The following CTNNA3 variants were observed in gnomAD, a reference collection of about 807,000 sequenced individuals.
CTNNA3 encodes catenin alpha-3.
In CTNNA3, 76 loss-of-function variants were observed where a neutral mutation model predicts 95.7. That is an observed-to-expected ratio of 0.79 (90% CI 0.66 to 0.96). CTNNA3 has a LOEUF of 0.96. Among genes scored for constraint, CTNNA3 ranks in the 40% least tolerant of loss-of-function variants. The pLI is 0.00. For synonymous variants in CTNNA3, 431 were observed against 374.4 expected (o/e 1.15, Z -1.74); for missense variants, 1,191 against 1,089.8 (o/e 1.09, Z -1.31).
At chr10:67,344,273 A>C (rs914386562) in intron 5 of CTNNA3, among the ~76,000 whole-genome samples, 12 of 152,018 alleles carry the variant, frequency 7.9e-5, no homozygotes, top group Non-Finnish European at 5.9e-5. Context: ...ATCAATATTC[A>C]TCAGAGATAT....
intron 7 of CTNNA3, among the ~76,000 whole-genome samples, chr10:66,989,513 A>G (rs1850924717): frequency 1.3e-5 from 2 of 152,176 alleles, no homozygotes; most frequent in South Asian, 2.1e-4. Flanking sequence ...TGATTGTTAT[A>G]TATGTTTGGT....
At chr10:67,109,976 A>T (rs1858832910) in intron 7 of CTNNA3, among the ~76,000 whole-genome samples, 1 of 152,254 alleles carries the variant, frequency 6.6e-6, no homozygotes, top group South Asian at 2.1e-4. Flanking sequence ...AATATTCTAA[A>T]ATACTCTTGA....
intron 7 of CTNNA3, among the ~76,000 whole-genome samples, chr10:66,889,476 T>G (rs1325439527): frequency 6.6e-6 from 1 of 152,130 alleles, no homozygotes; most frequent in African/African-American, 2.4e-5. Context: ...GAGTGCAGTG[T>G]GTATGTGGTA....
At chr10:67,204,229 C>G (rs1863784087) in intron 6 of CTNNA3, among the ~76,000 whole-genome samples, 1 of 152,062 alleles carries the variant, frequency 6.6e-6, no homozygotes, top group Non-Finnish European at 1.5e-5. Context: ...AATGTAACCA[C>G]TAATGTTGGA....
intron 7 of CTNNA3, among the ~76,000 whole-genome samples, chr10:66,937,890 G>T (rs1564780281): frequency 6.6e-6 from 1 of 151,442 alleles, no homozygotes; most frequent in Non-Finnish European, 1.5e-5. Flanking sequence ...CCTCTTTTCT[G>T]TTTTTTTTCC....
Position 67,270,190 on chromosome 10 carries a change from C to T in CTNNA3, c.580-50320G>A, listed in dbSNP as rs960610565. Among the ~76,000 whole-genome samples, 11 of 150,896 alleles carry T rather than the reference C, an allele frequency of 7.3e-5. No individual in the cohort carries two copies. In the South Asian group the frequency reaches 8.4e-4, roughly 12 times the overall value. The stretch of plus-strand genomic sequence containing the variant: ...GATTTGTCCCTTTTTCGAGTATACA[C>T]GTCTACAAAAATTAAACATTATCTT... On this transcript the variant is annotated intron_variant, in intron 5 of 17. Coordinates refer to ENST00000433211, the MANE Select transcript of CTNNA3 (RefSeq NM_013266.4).
chr10:66,381,626 A>G (rs531668695), intron 11 of CTNNA3, among the ~76,000 whole-genome samples: 76 of 152,302 alleles, frequency 5.0e-4, no homozygotes, highest in African/African-American at 1.8e-3. Flanking sequence ...CTATGAACCT[A>G]AGTGAACACA....
chr10:66,171,327 C>G (rs892365830), intron 13 of CTNNA3, among the ~76,000 whole-genome samples: 60 of 151,624 alleles, frequency 4.0e-4, no homozygotes, highest in African/African-American at 1.3e-3. Flanking sequence ...GTAATCCCAG[C>G]ACTTTGGGAG....
Position 66,458,115 on chromosome 10 carries a change from A to G in CTNNA3, c.1531+62502T>C, listed in dbSNP as rs531871612. On this transcript the variant is annotated intron_variant, in intron 11 of 17. Transcript: ENST00000433211. ...GCCCAGAAACCCCTCTCCTGGGATT[A>G]GAGAGACCTTAGGGAGTGAAAAATG... Among the ~76,000 whole-genome samples, 3 of 152,314 alleles carry G rather than the reference A, an allele frequency of 2.0e-5. No individual in the cohort carries two copies. In the East Asian group the frequency reaches 5.8e-4, roughly 29 times the overall value.
At chr10:67,019,878 A>T (rs10822960) in intron 7 of CTNNA3, among the ~76,000 whole-genome samples, 51,077 of 151,984 alleles carry the variant, frequency 0.34, 9,285 homozygotes, top group East Asian at 0.53. Context: ...AATTTTCTCC[A>T]TTGCTGTAAT....
At chr10:66,600,401 A>G (rs1843878112) in intron 10 of CTNNA3, among the ~76,000 whole-genome samples, 1 of 151,848 alleles carries the variant, frequency 6.6e-6, no homozygotes, top group African/African-American at 2.4e-5. Context: ...TTGCTCTAAT[A>G]CCTTGAAATA....
intron 5 of CTNNA3, among the ~76,000 whole-genome samples, chr10:67,378,304 CAG>C (rs1843772687): frequency 6.6e-6 from 1 of 152,042 alleles, no homozygotes; most frequent in Non-Finnish European, 1.5e-5. Context: ...CATAATGATA[CAG>C]AGAGTTTCTG....
At chr10:66,481,044 GTAAA>G in intron 11 of CTNNA3, among the ~76,000 whole-genome samples, 1 of 152,250 alleles carries the variant, frequency 6.6e-6, no homozygotes, top group East Asian at 1.9e-4. Context: ...TACACAGTGA[GTAAA>G]TAAAGGAGAA....
chr10:67,588,430 C>A (rs1433161895), intron 3 of CTNNA3, among the ~76,000 whole-genome samples: 1 of 151,704 alleles, frequency 6.6e-6, no homozygotes, highest in Non-Finnish European at 1.5e-5. Flanking sequence ...TGTGTGTGTG[C>A]AGTAGTGAAG....
intron 11 of CTNNA3, among the ~76,000 whole-genome samples, chr10:66,497,524 C>A (rs1259067048): frequency 1.3e-5 from 2 of 151,886 alleles, no homozygotes; most frequent in Non-Finnish European, 2.9e-5. Flanking sequence ...GCTAATTTTT[C>A]ATTTAATTAT....
chr10:66,426,536 G>A (rs1203656464), intron 11 of CTNNA3, among the ~76,000 whole-genome samples: 1 of 151,936 alleles, frequency 6.6e-6, no homozygotes, highest in African/African-American at 2.4e-5. Context: ...TTAGCTACAA[G>A]TACATTTCTA....
At chr10:67,342,177 C>T (rs1463067802) in intron 5 of CTNNA3, among the ~76,000 whole-genome samples, 2 of 147,246 alleles carry the variant, frequency 1.4e-5, no homozygotes, top group Admixed American at 1.4e-4. Flanking sequence ...TCTCGGCTCA[C>T]GGCAAGCTCC....
chr10:67,602,123 TC>T (rs1255165743), intron 3 of CTNNA3, among the ~76,000 whole-genome samples: 1 of 152,054 alleles, frequency 6.6e-6, no homozygotes, highest in Non-Finnish European at 1.5e-5. Flanking sequence ...TTTTCACTTT[TC>T]CAAATACTTT....
chr10:66,575,310 G>A (rs2132176741), intron 10 of CTNNA3, among the ~76,000 whole-genome samples: 1 of 152,190 alleles, frequency 6.6e-6, no homozygotes, highest in African/African-American at 2.4e-5. Context: ...CAAAGTCACA[G>A]AGGTAAGAAA....
Sources: gnomAD v4.1 joint callset for allele counts (sites outside exome capture counted in the v4.1 genomes callset) on GRCh38, gnomAD v4.1.1 for gene constraint, MANE v1.5 for transcripts, NCBI Gene and HGNC (gene_info 2026-07-23, HGNC 2026-07-21) for gene names.